Variants in NWD1 observed in about 807,000 individuals in gnomAD.
NWD1 encodes NACHT and WD repeat domain containing 1.
NWD1 carries 129 observed loss-of-function variants against 135.1 expected under a neutral mutation model. The observed-to-expected ratio is 0.96, with a 90% CI of 0.83 to 1.11. NWD1 has a LOEUF of 1.11. NWD1 is among the 50% of genes least tolerant of loss of function. The pLI, the probability that NWD1 is intolerant of heterozygous loss-of-function variation, is 0.00. For missense variants in NWD1, 1,740 were observed against 1,851.3 expected (o/e 0.94, Z 1.10); for synonymous variants, 773 against 786.0 (o/e 0.98, Z 0.28).
At chr19:16,795,930 C>T (rs1361759013) in intron 15 of NWD1, among the ~76,000 whole-genome samples, 1 of 152,108 alleles carries the variant, frequency 6.6e-6, no homozygotes, top group South Asian at 2.1e-4. Flanking sequence ...GAGTCCTAAG[C>T]TCTTGTCCCG....
chr19:16,799,059 A>T (rs983058581), intron 16 of NWD1, among the ~76,000 whole-genome samples: 2 of 152,124 alleles, frequency 1.3e-5, no homozygotes, highest in African/African-American at 4.8e-5. Flanking sequence ...ACACTTTGGG[A>T]ACTGCTCTGG....
At chr19:16,775,823 A>G (rs1288039435) in intron 11 of NWD1, among the ~76,000 whole-genome samples, 1 of 152,074 alleles carries the variant, frequency 6.6e-6, no homozygotes, top group Non-Finnish European at 1.5e-5. Context: ...ACATGCCACC[A>G]TGCCTGGCTA....
intron 3 of NWD1, among the ~76,000 whole-genome samples, chr19:16,733,589 G>A (rs1047242903): frequency 4.0e-5 from 6 of 151,620 alleles, no homozygotes; most frequent in East Asian, 1.9e-4. Flanking sequence ...ATGCATGATC[G>A]TTATGGTTTG....
At chr19:16,783,811 T>G (rs1195619210) in intron 12 of NWD1, among the ~76,000 whole-genome samples, 1 of 152,116 alleles carries the variant, frequency 6.6e-6, no homozygotes, top group African/African-American at 2.4e-5. Context: ...GGACTAAACA[T>G]GGACAGACCT....
intron 6 of NWD1, among the ~76,000 whole-genome samples, chr19:16,758,660 A>G (rs1968886599): frequency 6.6e-6 from 1 of 151,986 alleles, no homozygotes; most frequent in African/African-American, 2.4e-5. Context: ...ATTTTCCTTG[A>G]GTTACCACTT....
At chr19:16,798,040 C>T (rs1047557110) in intron 16 of NWD1, among the ~76,000 whole-genome samples, 154 bp downstream of exon 16, 6 of 152,102 alleles carry the variant, frequency 3.9e-5, no homozygotes, top group African/African-American at 1.2e-4. Context: ...GTGTATCCTC[C>T]GCCCCAGTGG....
chr19:16,815,510 A>T lies in NWD1; in HGVS notation c.*471A>T, dbSNP rs906703741. ...TTATTCTTTCCTCTTTTTCATTTTC[A>T]TTCTCAGACTTGCCACCCCCAGGTT... On this transcript the variant is annotated 3_prime_UTR_variant, in exon 19 of 19. Coordinates refer to ENST00000524140, the MANE Select transcript of NWD1 (RefSeq NM_001007525.5). 1.8e-6 allele frequency: 1 copy of T among 556,186 alleles called. No homozygotes were observed. Among genetic ancestry groups the T allele is most frequent in the African/African-American group, 1.9e-5 (1 of 52,750 alleles). The allele number at this position is 556,186 out of a possible 1,614,324, so 34.5% of individuals were successfully genotyped here.
chr19:16,791,828 C>T (rs1220186115), intron 14 of NWD1, among the ~76,000 whole-genome samples: 1 of 152,200 alleles, frequency 6.6e-6, no homozygotes, highest in Non-Finnish European at 1.5e-5. Flanking sequence ...ATTCTCACTG[C>T]CTCAGCCTTC....
rs1970474041 is a variant in NWD1, at chr19:16,797,901, G to A, written c.3459+15G>A. 1.2e-6 allele frequency: 2 copies of A among 1,606,684 alleles called. No individual in the cohort carries two copies. Among genetic ancestry groups the A allele is most frequent in the Non-Finnish European group, 1.7e-6 (2 of 1,175,920 alleles). On this transcript the variant is annotated intron_variant, in intron 16 of 18. Coordinates refer to ENST00000524140, the MANE Select transcript of NWD1 (RefSeq NM_001007525.5). ...CGCTCATTCAGGTGAGGGGAGATCT[G>A]GGACCCTTCATCCTCACCTCCACCT...
chr19:16,738,980 G>A (rs1164662527), intron 4 of NWD1, among the ~76,000 whole-genome samples: 2 of 148,602 alleles, frequency 1.3e-5, no homozygotes, highest in East Asian at 1.9e-4. Context: ...CAATCCTCCA[G>A]CCTTAGCCTC....
intron 5 of NWD1, among the ~76,000 whole-genome samples, chr19:16,747,039 C>CTTTT (rs202225653): frequency 7.2e-6 from 1 of 138,014 alleles, no homozygotes; most frequent in East Asian, 2.1e-4. Flanking sequence ...CTTTTTCTTT[C>CTTTT]TTTTTTTTTT....
chr19:16,724,715 C>T lies in NWD1; in HGVS notation c.-7+252C>T, dbSNP rs117271259. On this transcript the variant is annotated intron_variant, in intron 2 of 18. Coordinates refer to ENST00000524140, the MANE Select transcript of NWD1 (RefSeq NM_001007525.5). ...ACAAAAAAAATATTTTTTTTTGAGA[C>T]GAAGTTTCGCTCCTATTGCCCAGGC... Among the ~76,000 whole-genome samples the T allele has an allele frequency of 6.2e-4, 94 of 152,144 alleles. 1 individual carries two copies. Among genetic ancestry groups the T allele is most frequent in the African/African-American group, 2.0e-3 (83 of 41,524 alleles).
At chr19:16,782,357 G>A (rs146587590) in intron 12 of NWD1, among the ~76,000 whole-genome samples, 6 of 150,374 alleles carry the variant, frequency 4.0e-5, no homozygotes, top group African/African-American at 1.2e-4. Flanking sequence ...TCCCAGCTAC[G>A]TGAGAGGCTG....
At chr19:16,780,133 C>T (rs775480611) in intron 12 of NWD1, among the ~76,000 whole-genome samples, 2 of 151,456 alleles carry the variant, frequency 1.3e-5, no homozygotes, top group African/African-American at 4.9e-5. Flanking sequence ...CTTCAGGTCT[C>T]TCATCCCCAG....
chr19:16,749,653 G>T lies in NWD1; in HGVS notation c.1011G>T (p.Leu337=). 1.2e-6 allele frequency: 2 copies of T among 1,604,690 alleles called. No homozygotes were observed. The highest frequency in any genetic ancestry group is 1.7e-6 in the Non-Finnish European group (2 of 1,173,890). Residue 337 remains leucine, a synonymous_variant, in exon 6 of 19, where the codon CTG becomes CTT. Transcript: ENST00000524140. ...RHDDSKQHTP[L]VLFGPPGIGK... The stretch of plus-strand genomic sequence containing the variant: ...ATGACAGCAAGCAGCACACCCCCCT[G>T]GTACTCTTTGGGCCCCCAGGCATTG...
intron 5 of NWD1, 48 bp downstream of exon 5, chr19:16,744,766 C>T (rs752112623): frequency 1.8e-5 from 26 of 1,466,558 alleles, no homozygotes; most frequent in East Asian, 9.9e-5. Flanking sequence ...AAACTGACCA[C>T]GTGTTCAGAA....
rs1340600427 is a variant in NWD1, at chr19:16,749,185, G to T, written c.543G>T (p.Arg181=). 6.2e-7 allele frequency: 1 copy of T among 1,613,124 alleles called. No homozygotes were observed. The highest frequency in any genetic ancestry group is 8.5e-7 in the Non-Finnish European group (1 of 1,179,608). Residue 181 remains arginine, a synonymous_variant, in exon 6 of 19, where the codon CGG becomes CGT. Transcript: ENST00000524140. ...GGAGCCTGCTGAGCTCAGAGGACCG[G>T]GAACAGGGAGCCACCGTCTTCCTTA... ...IERSLLSSED[R]EQGATVFLRE... is the part of the protein sequence containing the mutation.
At chr19:16,737,964 C>CAAAAGAAAAGAAAAGAAAGAAAAGAAAA (rs147713373) in intron 4 of NWD1, among the ~76,000 whole-genome samples, 1 of 124,636 alleles carries the variant, frequency 8.0e-6, no homozygotes, top group Non-Finnish European at 1.7e-5. Flanking sequence ...GACTCTATCT[C>CAAAAGAAAAGAAAAGAAAGAAAAGAAAA]GAAAAGAAAA....
chr19:16,736,739 C>T lies in NWD1; in HGVS notation c.187C>T (p.Pro63Ser). The T allele has an allele frequency of 6.5e-7, 1 of 1,530,412 alleles. No homozygotes were observed. Among genetic ancestry groups the T allele is most frequent in the African/African-American group, 1.4e-5 (1 of 73,046 alleles). The allele number at this position is 1,530,412 out of a possible 1,614,324, so 94.8% of individuals were successfully genotyped here. A position where few individuals can be genotyped will look rare whatever the true frequency, so the allele number is the denominator to read the frequency against. The change falls in exon 4 of 19, where the codon CCA (proline) becomes TCA (serine). Residue 63 changes from proline (P) to serine (S), a missense_variant. Physicochemically the swap from Pro to Ser is moderately conservative, Grantham distance 74. Transcript: ENST00000524140. The part of the protein sequence containing the change: ...VDRCWKTSIG[P>S]AFVALIGDQY... ...CCGGTGTTGGAAAACATCCATAGGG[C>T]CAGCTTTTGTTGTGAGTGTCTTGGG...
Sources: gnomAD v4.1 joint callset for allele counts (sites outside exome capture counted in the v4.1 genomes callset) on GRCh38, gnomAD v4.1.1 for gene constraint, MANE v1.5 for transcripts, NCBI Gene and HGNC (gene_info 2026-07-23, HGNC 2026-07-21) for gene names.